The following STRN4 variants were observed in gnomAD, a reference collection of about 807,000 sequenced individuals.
STRN4 encodes striatin-4.
Under a neutral mutation model 77.9 loss-of-function variants are expected in STRN4, and 27 were observed. The ratio of observed to expected loss-of-function variants is 0.35; its 90% CI spans 0.26 to 0.48. The LOEUF is 0.48. STRN4 is among the 20% of genes least tolerant of loss of function. The pLI is 0.99. For synonymous variants in STRN4, 466 were observed against 443.1 expected, an observed-to-expected ratio of 1.05 and a Z score of -0.65; for missense variants, 798 against 1,049.7, an observed-to-expected ratio of 0.76 and a Z score of 3.31.
At position 46,733,572 on chromosome 19, in the gene STRN4, A is replaced by C. The variant is rs1229488334; in HGVS notation, c.540-336T>G. 1 of 264,772 alleles carries C rather than the reference A, an allele frequency of 3.8e-6. No individual in the cohort carries two copies. The highest frequency in any genetic ancestry group is 7.3e-6 in the Non-Finnish European group (1 of 136,206). 16.4% of individuals were successfully genotyped at this position (264,772 alleles called of 1,614,324 possible). Reference sequence around the variant, plus strand: ...AGAAGATCAACAGGGCAGAGCCTTAAGGGAAGCTGGCCACGGTAAACAGCA... The same window carrying C: ...AGAAGATCAACAGGGCAGAGCCTTACGGGAAGCTGGCCACGGTAAACAGCA... On this transcript the variant is annotated intron_variant, in intron 4 of 17. Coordinates refer to ENST00000263280, the MANE Select transcript of STRN4 (RefSeq NM_013403.3). The surrounding 1 kb of genome is among the most constrained non-coding windows in gnomAD (Gnocchi z 4.3).
In STRN4 at chr19:46,720,784, C is replaced by T. The variant is rs772573199; in HGVS notation, c.2093-13G>A. 30 of 1,547,396 alleles carry T rather than the reference C, an allele frequency of 1.9e-5. No individual in the cohort carries two copies. Among genetic ancestry groups the T allele is most frequent in the South Asian group, 1.6e-4 (13 of 81,708 alleles). ...GAGCAGTCATGGCCTGCACATGTGT[C>T]GGGGACAGAAGGGGTGGTCACTGGG... On this transcript the variant is annotated splice_polypyrimidine_tract_variant and intron_variant, in intron 16 of 17. Coordinates refer to ENST00000263280, the MANE Select transcript of STRN4 (RefSeq NM_013403.3).
chr19:46,743,811 G>A (rs2054517436), intron 1 of STRN4, among the ~76,000 whole-genome samples: 1 of 151,980 alleles, frequency 6.6e-6, no homozygotes, highest in Non-Finnish European at 1.5e-5. Context: ...GCTGAGGCAG[G>A]AGAATCGCTT....
chr19:46,729,041 C>T (rs144298582), intron 6 of STRN4, among the ~76,000 whole-genome samples: 5 of 152,272 alleles, frequency 3.3e-5, no homozygotes, highest in Admixed American at 6.5e-5. Flanking sequence ...CAAGGTGCCT[C>T]GGATGAAGAA....
At chr19:46,726,483 C>CAAAA (rs35238185) in intron 9 of STRN4, among the ~76,000 whole-genome samples, 2 of 134,296 alleles carry the variant, frequency 1.5e-5, no homozygotes, top group African/African-American at 5.5e-5. Context: ...CCTCAAGGAG[C>CAAAA]AAAAAAAAAA....
intron 4 of STRN4, among the ~76,000 whole-genome samples, 168 bp downstream of exon 4, chr19:46,736,655 C>T (rs2054371391): frequency 6.6e-6 from 1 of 152,006 alleles, no homozygotes; most frequent in Non-Finnish European, 1.5e-5. Flanking sequence ...TCCCTCTCCC[C>T]AGGCCAGGCT....
rs760742803 is a variant in STRN4, at chr19:46,727,459, C to G, written c.1241G>C (p.Ser414Thr). The change falls in exon 9 of 18, where the codon AGC becomes ACC. Residue 414 changes from serine (S) to threonine (T), a missense_variant. By Grantham distance (58) the Ser-to-Thr change is moderately conservative. Around this residue, in one of 2 missense-constraint regions of STRN4, gnomAD observed 511 missense variants for 575.9 expected, o/e 0.89. Transcript: ENST00000263280. ...GGCACCCGGAGAACTTACATCGCAG[C>G]TGAGGTCGTTGTCGTTGGTGACGGT... is the stretch of plus-strand genomic sequence containing the variant. ...DLTVTNDNDL[S>T]CDLSDSKDAF... 1.1e-5 allele frequency: 18 copies of G among 1,613,716 alleles called. No homozygotes were observed. The highest frequency in any genetic ancestry group is 5.0e-5 in the Admixed American group (3 of 59,988).
chr19:46,738,721 G>A lies in STRN4; in HGVS notation c.386+64C>T, dbSNP rs2054417449. On this transcript the variant is annotated intron_variant, in intron 2 of 17. Coordinates refer to ENST00000263280, the MANE Select transcript of STRN4 (RefSeq NM_013403.3). The surrounding 1 kb of genome is among the most constrained non-coding windows in gnomAD (Gnocchi z 4.5). ...TTAGCTGGAAGGAGGCGTGGCTGGT[G>A]GCCTCCTGACACTGTGCTTGAGACG... is the stretch of plus-strand genomic sequence containing the variant. 6 of 1,489,494 alleles carry A rather than the reference G, an allele frequency of 4.0e-6. No individual in the cohort carries two copies. Among genetic ancestry groups the A allele is most frequent in the Non-Finnish European group, 4.7e-6 (5 of 1,068,394 alleles). The allele number at this position is 1,489,494 out of a possible 1,614,324, so 92.3% of individuals were successfully genotyped here.
rs749814260 is a variant in STRN4 at position 46,720,680 on chromosome 19, G to A, written c.2184C>T (p.Ile728=). 3.7e-6 allele frequency: 6 copies of A among 1,611,262 alleles called. No individual in the cohort carries two copies. The highest frequency in any genetic ancestry group is 5.1e-6 in the Non-Finnish European group (6 of 1,178,496). ...TGCTGGGGTGGCAGGCAACAGCGTG[G>A]ATGGCCTCCTCGTGCTTCTTGCGGT... ...TAHRKKHEEA[I]HAVACHPSKA... is the part of the protein sequence containing the mutation. The change falls in exon 17 of 18, where the codon ATC becomes ATT. Residue 728 remains isoleucine (I), a synonymous_variant. Transcript: ENST00000263280.
intron 17 of STRN4, 46 bp downstream of exon 17, chr19:46,720,490 A>AG: frequency 7.8e-7 from 1 of 1,274,672 alleles, no homozygotes; most frequent in East Asian, 2.8e-5. Context: ...TGGCAGTACT[A>AG]GGCATGGGCG....
intron 1 of STRN4, chr19:46,745,862 T>G: frequency 3.3e-6 from 1 of 305,156 alleles, no homozygotes; most frequent in Non-Finnish European, 6.0e-6. Flanking sequence ...TCCCAGCTGG[T>G]TGTGGTCCCT....
chr19:46,735,233 G>A (rs1325019345), intron 4 of STRN4, among the ~76,000 whole-genome samples: 1 of 152,108 alleles, frequency 6.6e-6, no homozygotes, highest in East Asian at 1.9e-4. Context: ...TTGAACCCGG[G>A]AGGCAGAGGT....
Position 46,720,796 on chromosome 19 carries a change from G to A in STRN4, c.2093-25C>T, listed in dbSNP as rs761937894. The A allele has an allele frequency of 5.2e-6, 8 of 1,529,444 alleles. No individual in the cohort carries two copies. The East Asian group carries it at 1.5e-4, about 28-fold the overall frequency. 94.7% of individuals were successfully genotyped at this position (1,529,444 alleles called of 1,614,324 possible). A position where few individuals can be genotyped will look rare whatever the true frequency, so the allele number is the denominator to read the frequency against. On this transcript the variant is annotated intron_variant, in intron 16 of 17. Coordinates refer to ENST00000263280, the MANE Select transcript of STRN4 (RefSeq NM_013403.3). ...CCTGCACATGTGTCGGGGACAGAAG[G>A]GGTGGTCACTGGGCTCCTCGCTCAG... is the stretch of plus-strand genomic sequence containing the variant.
chr19:46,725,718 G>A (rs2122245666), intron 9 of STRN4, 70 bp from the exon 10 acceptor site: 1 of 1,557,846 alleles, frequency 6.4e-7, no homozygotes, highest in Non-Finnish European at 8.7e-7. Flanking sequence ...CCGACACCCA[G>A]GGCTTGAGGG....
In STRN4 at chr19:46,736,805, C is replaced by G. The variant is rs761733973; in HGVS notation, c.539+18G>C. Reference sequence around the variant, plus strand: ...AACGTGTCACGTGTCCCCAGCCCCCCTCCCCGAGCACACTCACTGTCGGAG... The same window carrying G: ...AACGTGTCACGTGTCCCCAGCCCCCGTCCCCGAGCACACTCACTGTCGGAG... On this transcript the variant is annotated intron_variant, in intron 4 of 17. Transcript: ENST00000263280. 1.2e-6 allele frequency: 2 copies of G among 1,611,748 alleles called. No individual in the cohort carries two copies. The highest frequency in any genetic ancestry group is 1.7e-6 in the Non-Finnish European group (2 of 1,178,696).
intron 9 of STRN4, among the ~76,000 whole-genome samples, chr19:46,726,574 C>T (rs1008704865): frequency 2.6e-5 from 4 of 151,960 alleles, no homozygotes; most frequent in African/African-American, 9.7e-5. Context: ...AGACACGTGA[C>T]CATGAAGGGG....
chr19:46,721,087 A>G, intron 16 of STRN4: 1 of 253,678 alleles, frequency 3.9e-6, no homozygotes. Context: ...CAACAGGAAG[A>G]GAAAGAAGAA....
At chr19:46,736,507 A>T (rs2054365770) in intron 4 of STRN4, 2 of 13,780 alleles carry the variant, frequency 1.5e-4, no homozygotes, top group Non-Finnish European at 2.5e-4. Context: ...AGGTATCTAA[A>T]AAAAAAAAAA....
chr19:46,745,947 G>A (rs1408367496), intron 1 of STRN4: 2 of 423,564 alleles, frequency 4.7e-6, no homozygotes. Context: ...GGGCCGTCCC[G>A]GTCCCGTCCC....
intron 9 of STRN4, among the ~76,000 whole-genome samples, chr19:46,726,756 C>T (rs1250859962): frequency 6.6e-6 from 1 of 152,108 alleles, no homozygotes; most frequent in Admixed American, 6.5e-5. Flanking sequence ...CAGCTGACGT[C>T]CCTGCCTTAG....
Sources: gnomAD v4.1 joint callset for allele counts (sites outside exome capture counted in the v4.1 genomes callset) on GRCh38, gnomAD v4.1.1 for gene constraint, gnomAD v4.1.1 regional missense constraint, Gnocchi (gnomAD v3.1) non-coding constraint, MANE v1.5 for transcripts, NCBI Gene and HGNC (gene_info 2026-07-23, HGNC 2026-07-21) for gene names.